The following KLRD1 variants were observed in gnomAD, a reference collection of about 807,000 sequenced individuals.
KLRD1 encodes the protein killer cell lectin like receptor D1.
A neutral mutation model predicts 22.6 loss-of-function variants in KLRD1; 21 were observed. That is an observed-to-expected ratio of 0.93 (90% CI 0.66 to 1.34). The LOEUF (loss-of-function observed/expected upper bound fraction) is 1.34. Ranked by LOEUF, KLRD1 falls within the 40% of genes most tolerant of loss-of-function variation. KLRD1 has a pLI of 0.00. For synonymous variants in KLRD1, 59 were observed against 71.1 expected (o/e 0.83, Z 0.85); for missense variants, 183 against 208.6 (o/e 0.88, Z 0.76).
intron 4 of KLRD1, 142 bp downstream of exon 4, chr12:10,311,757 C>CTTAGTCATTGTAAAATCTTTA (rs1472507226): frequency 1.7e-6 from 1 of 603,178 alleles, no homozygotes; most frequent in Non-Finnish European, 2.7e-6. Context: ...TTCTGTGTAC[C>CTTAGTCATTGTAAAATCTTTA]TTAAAGTAGT....
At chr12:10,280,488 G>A (rs2137653333) in intron 1 of KLRD1, among the ~76,000 whole-genome samples, 1 of 152,138 alleles carries the variant, frequency 6.6e-6, no homozygotes, top group African/African-American at 2.4e-5. Context: ...GCTACCCATA[G>A]TCTAGACAAT....
chr12:10,240,058 C>T (rs892840275), intron 1 of KLRD1, among the ~76,000 whole-genome samples: 3 of 151,014 alleles, frequency 2.0e-5, no homozygotes, highest in Admixed American at 2.0e-4. Flanking sequence ...ATCATTTCTA[C>T]TTTCTTTCTT....
intron 3 of KLRD1, among the ~76,000 whole-genome samples, chr12:10,309,977 A>C (rs184365455): frequency 6.6e-6 from 1 of 152,234 alleles, no homozygotes; most frequent in African/African-American, 2.4e-5. Flanking sequence ...AACCACAGGA[A>C]ATGTTACAGT....
chr12:10,241,959 T>G (rs564956035), intron 1 of KLRD1, among the ~76,000 whole-genome samples: 1 of 152,102 alleles, frequency 6.6e-6, no homozygotes, highest in East Asian at 1.9e-4. Context: ...TTTCATGACA[T>G]CACAATCTGA....
chr12:10,324,816 G>GTATATATATATATA lies in KLRD1; in HGVS notation c.*10024_*10025insATATATATATATAT, dbSNP rs1397212198. 0.035 allele frequency: 570 copies of GTATATATATATATA among 16,476 alleles called. 2 individuals carry two copies. Among genetic ancestry groups the GTATATATATATATA allele is most frequent in the African/African-American group, 0.046 (541 of 11,828 alleles). The allele number at this position is 16,476 out of a possible 1,614,324, so 1.0% of individuals were successfully genotyped here. A position where few individuals can be genotyped will look rare whatever the true frequency, so the allele number is the denominator to read the frequency against. On this transcript the variant is annotated 3_prime_UTR_variant, in exon 6 of 6. Transcript: ENST00000336164. ...TAAGTATATATGTATATGTGTGTGT[G>GTATATATATATATA]TGTATATATATATATATATATATAT...
At chr12:10,285,824 C>CT in intron 1 of KLRD1, among the ~76,000 whole-genome samples, 1 of 152,114 alleles carries the variant, frequency 6.6e-6, no homozygotes, top group East Asian at 1.9e-4. Context: ...TGTCACAGCT[C>CT]TAAGTTTAGT....
chr12:10,248,213 C>T (rs1442386727), intron 1 of KLRD1, among the ~76,000 whole-genome samples: 1 of 151,758 alleles, frequency 6.6e-6, no homozygotes, highest in African/African-American at 2.4e-5. Context: ...TGTTTTTTTC[C>T]CCACAATTTT....
chr12:10,309,471 T>C lies in KLRD1; in HGVS notation c.91T>C (p.Leu31=). The C allele has an allele frequency of 6.7e-7, 1 of 1,497,920 alleles. No individual in the cohort carries two copies. The highest frequency in any genetic ancestry group is 1.4e-5 in the African/African-American group (1 of 73,074). 92.8% of individuals were successfully genotyped at this position (1,497,920 alleles called of 1,614,324 possible). A position where few individuals can be genotyped will look rare whatever the true frequency, so the allele number is the denominator to read the frequency against. The change falls in exon 2 of 6, where the codon TTG becomes CTG. Residue 31 remains leucine, a synonymous_variant. Transcript: ENST00000336164. ...GTTGATGTCTACGTTGGGAATTTTG[T>C]TGAAAAATTGTAAGTTTTTCTAAGC... ...LSLMSTLGIL[L]KNSFTKLSIE...
At chr12:10,290,882 T>C (rs952586831) in intron 1 of KLRD1, among the ~76,000 whole-genome samples, 1 of 152,158 alleles carries the variant, frequency 6.6e-6, no homozygotes, top group Non-Finnish European at 1.5e-5. Flanking sequence ...TATATAAAAC[T>C]ACTAAAATCT....
Position 10,314,771 on chromosome 12 carries a change from T to TATATATATATATA in KLRD1, c.518_519insATATATATATATA (p.Cys174TyrfsTer6). 1.2e-6 allele frequency: 2 copies of TATATATATATATA among 1,606,836 alleles called. No homozygotes were observed. The highest frequency in any genetic ancestry group is 1.7e-6 in the Non-Finnish European group (2 of 1,177,852). On this transcript the variant is annotated frameshift_variant, in exon 6 of 6. Transcript: ENST00000336164. LOFTEE classifies it high-confidence loss of function. Reference sequence around the variant, plus strand: ...TCCTGTGAAGATAAAAATCGTTATATCTGTAAGCAACAGCTCATTTAAATG... The same window carrying TATATATATATATA: ...TCCTGTGAAGATAAAAATCGTTATATATATATATATATACTGTAAGCAACAGCTCATTTAAATG...
In KLRD1 at chr12:10,316,920, C is replaced by G. The variant is rs991820586; in HGVS notation, c.*2127C>G. On this transcript the variant is annotated 3_prime_UTR_variant, in exon 6 of 6. Transcript: ENST00000336164. The stretch of plus-strand genomic sequence containing the variant: ...CATGCATTAGGTATTTGTCCTAATG[C>G]TCTTCCTCCCCTTGCCCCCCACCCC... 2 of 152,088 alleles carry G rather than the reference C, an allele frequency of 1.3e-5. No individual in the cohort carries two copies. The highest frequency in any genetic ancestry group is 2.9e-5 in the Non-Finnish European group (2 of 68,046). The allele number at this position is 152,088 out of a possible 1,614,324, so 9.4% of individuals were successfully genotyped here.
At chr12:10,272,066 T>C (rs2137645265) in intron 1 of KLRD1, among the ~76,000 whole-genome samples, 1 of 152,262 alleles carries the variant, frequency 6.6e-6, no homozygotes, top group South Asian at 2.1e-4. Context: ...ATAATGGGCA[T>C]TAGCATCTGC....
At chr12:10,289,761 T>C (rs1949748024) in intron 1 of KLRD1, among the ~76,000 whole-genome samples, 2 of 152,182 alleles carry the variant, frequency 1.3e-5, no homozygotes, top group Admixed American at 1.3e-4. Flanking sequence ...ATCTGGTCCA[T>C]ATCCATAATT....
chr12:10,253,943 A>G (rs895539427), intron 1 of KLRD1, among the ~76,000 whole-genome samples: 4 of 152,150 alleles, frequency 2.6e-5, no homozygotes, highest in African/African-American at 9.7e-5. Context: ...CAGTAATGGG[A>G]TTGTTGAATT....
chr12:10,325,183 T>A lies in KLRD1; in HGVS notation c.*10390T>A, dbSNP rs912323025. 6.6e-6 allele frequency: 1 copy of A among 152,102 alleles called. No homozygotes were observed. Among genetic ancestry groups the A allele is most frequent in the African/African-American group, 2.4e-5 (1 of 41,442 alleles). The allele number at this position is 152,102 out of a possible 1,614,324, so 9.4% of individuals were successfully genotyped here. On this transcript the variant is annotated 3_prime_UTR_variant, in exon 6 of 6. Coordinates refer to ENST00000336164, the MANE Select transcript of KLRD1 (RefSeq NM_002262.5). ...TTACTAGGTTGAGAAAGTTCCCTCC[T>A]ATTCCTAGTCTGATGAGAATTTTTA...
chr12:10,252,937 G>A (rs1475009779), intron 1 of KLRD1, among the ~76,000 whole-genome samples: 1 of 137,772 alleles, frequency 7.3e-6, no homozygotes, highest in Non-Finnish European at 1.6e-5. Flanking sequence ...TGTCCTGAGT[G>A]AGTCAGTGGG....
At chr12:10,296,994 C>T (rs1218361494) in intron 1 of KLRD1, among the ~76,000 whole-genome samples, 1 of 152,106 alleles carries the variant, frequency 6.6e-6, no homozygotes, top group African/African-American at 2.4e-5. Flanking sequence ...GCTGTTTTTT[C>T]AAGTTTAATC....
At chr12:10,290,006 G>A (rs760677584) in intron 1 of KLRD1, among the ~76,000 whole-genome samples, 10 of 152,166 alleles carry the variant, frequency 6.6e-5, no homozygotes, top group South Asian at 2.1e-4. Flanking sequence ...TTGAACTCCC[G>A]ACTCAGGTGA....
At chr12:10,281,544 A>C (rs1273348553) in intron 1 of KLRD1, among the ~76,000 whole-genome samples, 5 of 152,174 alleles carry the variant, frequency 3.3e-5, no homozygotes, top group Non-Finnish European at 7.3e-5. Context: ...TGCCCATGTC[A>C]GGAGTTGTAG....
Sources: gnomAD v4.1 joint callset for allele counts (sites outside exome capture counted in the v4.1 genomes callset) on GRCh38, gnomAD v4.1.1 for gene constraint, MANE v1.5 for transcripts, NCBI Gene and HGNC (gene_info 2026-07-23, HGNC 2026-07-21) for gene names.